SPESP1: variants seen among roughly 807,000 people sequenced by gnomAD.
SPESP1 encodes the protein equatorial segment protein.
SPESP1 carries 1 observed loss-of-function variant against 3.1 expected under a neutral mutation model. The observed-to-expected ratio is 0.33, with a 90% CI of 0.12 to 1.54. The LOEUF is 1.54. Ranked by LOEUF, SPESP1 falls within the 40% of genes most tolerant of loss-of-function variation. SPESP1 has a pLI of 0.38. For synonymous variants in SPESP1, 138 were observed against 150.7 expected (o/e 0.92, Z 0.62); for missense variants, 398 against 410.1 (o/e 0.97, Z 0.26).
At position 68,930,525 on chromosome 15, in the gene SPESP1, G is replaced by C; in HGVS notation, c.-129G>C. On this transcript the variant is annotated 5_prime_UTR_variant, in exon 1 of 2. Transcript: ENST00000310673. ...CTGCGCTTGCGCGCTGGGGACAACCGTTGCTGGGTGTCCCAGGGCCTGAGG... is the reference window on the plus strand; with the variant it reads ...CTGCGCTTGCGCGCTGGGGACAACCCTTGCTGGGTGTCCCAGGGCCTGAGG... 1 of 1,234,816 alleles carries C rather than the reference G, an allele frequency of 8.1e-7. No individual in the cohort carries two copies. Among genetic ancestry groups the C allele is most frequent in the Non-Finnish European group, 1.1e-6 (1 of 883,338 alleles). The allele number at this position is 1,234,816 out of a possible 1,614,324, so 76.5% of individuals were successfully genotyped here.
At chr15:68,942,494 G>A (rs1895852774) in intron 1 of SPESP1, among the ~76,000 whole-genome samples, 1 of 151,982 alleles carries the variant, frequency 6.6e-6, no homozygotes, top group South Asian at 2.1e-4. Flanking sequence ...GAAGATATTA[G>A]GTATTCTTAT....
At chr15:68,930,787 C>T in intron 1 of SPESP1, 70 bp downstream of exon 1, 1 of 1,607,486 alleles carries the variant, frequency 6.2e-7, no homozygotes, top group Non-Finnish European at 8.5e-7. Context: ...TCCGCGACCT[C>T]GAAGCCTGGC....
chr15:68,940,781 A>G (rs934846144), intron 1 of SPESP1, among the ~76,000 whole-genome samples: 2 of 145,702 alleles, frequency 1.4e-5, no homozygotes, highest in Non-Finnish European at 3.0e-5. Context: ...TTGCAAGACT[A>G]CTTCATAGGT....
chr15:68,943,099 ATG>A (rs1052323231), intron 1 of SPESP1, among the ~76,000 whole-genome samples: 3 of 144,516 alleles, frequency 2.1e-5, no homozygotes, highest in African/African-American at 8.2e-5. Flanking sequence ...GTGTGTGTGT[ATG>A]TGTGTGTGTT....
chr15:68,933,023 T>C (rs1399340761), intron 1 of SPESP1, among the ~76,000 whole-genome samples: 1 of 152,222 alleles, frequency 6.6e-6, no homozygotes, highest in Non-Finnish European at 1.5e-5. Flanking sequence ...ATCATTGAGC[T>C]TGATGTAAAT....
At chr15:68,932,756 G>A (rs1895582415) in intron 1 of SPESP1, among the ~76,000 whole-genome samples, 3 of 152,118 alleles carry the variant, frequency 2.0e-5, no homozygotes, top group Non-Finnish European at 4.4e-5. Context: ...AAGGGTTGTA[G>A]GAAATGAAAA....
chr15:68,931,596 G>A (rs2140415567), intron 1 of SPESP1, among the ~76,000 whole-genome samples: 1 of 152,320 alleles, frequency 6.6e-6, no homozygotes, highest in African/African-American at 2.4e-5. Flanking sequence ...CTCCCAGAGA[G>A]CATGCTTGCG....
In SPESP1 at chr15:68,930,643, GGAC is replaced by G. The variant is rs768195962; in HGVS notation, c.-6_-4del. On this transcript the variant is annotated 5_prime_UTR_variant, in exon 1 of 2. Transcript: ENST00000310673. ...TTCCGGTCGCATGGCAGAGTGCTACGGACGACGCCTATGAAGCCCTTAGTCCTT... is the reference window on the plus strand; with the variant it reads ...TTCCGGTCGCATGGCAGAGTGCTACGGACGCCTATGAAGCCCTTAGTCCTT... 1 of 1,613,830 alleles carries G rather than the reference GGAC, an allele frequency of 6.2e-7. No individual in the cohort carries two copies. The highest frequency in any genetic ancestry group is 8.5e-7 in the Non-Finnish European group (1 of 1,179,784).
chr15:68,940,261 C>T (rs979034615), intron 1 of SPESP1, among the ~76,000 whole-genome samples: 3 of 152,030 alleles, frequency 2.0e-5, no homozygotes, highest in Admixed American at 1.3e-4. Flanking sequence ...CATTCCTTTT[C>T]CTCTCACTTC....
chr15:68,944,160 A>G (rs751746905), intron 1 of SPESP1, among the ~76,000 whole-genome samples: 8 of 152,168 alleles, frequency 5.3e-5, no homozygotes, highest in African/African-American at 1.7e-4. Flanking sequence ...GTAAAAAACC[A>G]TAGCACTTAA....
intron 1 of SPESP1, chr15:68,939,949 G>A (rs923454244): frequency 6.6e-5 from 10 of 152,170 alleles, no homozygotes; most frequent in South Asian, 2.1e-4. Flanking sequence ...TTCTAAAAGC[G>A]TTGAAACCTT....
At chr15:68,943,403 A>G (rs1230235192) in intron 1 of SPESP1, among the ~76,000 whole-genome samples, 1 of 152,164 alleles carries the variant, frequency 6.6e-6, no homozygotes, top group African/African-American at 2.4e-5. Context: ...TAAAATGCAG[A>G]ATTTACTTTT....
chr15:68,931,896 A>G (rs1019787168), intron 1 of SPESP1, among the ~76,000 whole-genome samples: 1 of 152,212 alleles, frequency 6.6e-6, no homozygotes, highest in Non-Finnish European at 1.5e-5. Context: ...AAAAAGCGCT[A>G]TCGTGCATGC....
intron 1 of SPESP1, among the ~76,000 whole-genome samples, chr15:68,939,212 A>T (rs1895756349): frequency 6.6e-6 from 1 of 152,174 alleles, no homozygotes. Context: ...CAAGCTGAAG[A>T]TTCTTACCTG....
At chr15:68,934,569 G>T (rs1013887584) in intron 1 of SPESP1, among the ~76,000 whole-genome samples, 1 of 152,060 alleles carries the variant, frequency 6.6e-6, no homozygotes, top group African/African-American at 2.4e-5. Context: ...AGTATTCTGT[G>T]GGGGAGTAGC....
chr15:68,933,830 G>T (rs1285566843), intron 1 of SPESP1, among the ~76,000 whole-genome samples: 1 of 151,118 alleles, frequency 6.6e-6, no homozygotes, highest in Non-Finnish European at 1.5e-5. Flanking sequence ...CTGCATTCCA[G>T]CCTGGCTGAC....
At chr15:68,935,946 G>T (rs1895670441) in intron 1 of SPESP1, among the ~76,000 whole-genome samples, 2 of 152,258 alleles carry the variant, frequency 1.3e-5, no homozygotes, top group East Asian at 1.9e-4. Flanking sequence ...TAATTTGAAG[G>T]TGTTGGATAT....
intron 1 of SPESP1, among the ~76,000 whole-genome samples, chr15:68,935,609 G>A (rs1244064431): frequency 6.6e-6 from 1 of 152,228 alleles, no homozygotes; most frequent in Non-Finnish European, 1.5e-5. Context: ...GTCACATGGG[G>A]CAAGCCCATA....
At chr15:68,944,710 T>G (rs1895914858) in intron 1 of SPESP1, among the ~76,000 whole-genome samples, 1 of 152,144 alleles carries the variant, frequency 6.6e-6, no homozygotes, top group Non-Finnish European at 1.5e-5. Context: ...ATTACTCTAG[T>G]GTTGCAGGCA....
Sources: allele counts gnomAD v4.1 joint callset (sites outside exome capture counted in the v4.1 genomes callset), GRCh38; gene constraint gnomAD v4.1.1; transcripts MANE v1.5; gene names NCBI Gene and HGNC (gene_info 2026-07-23, HGNC 2026-07-21).